The following ROBO2 variants were observed in gnomAD, a reference collection of about 807,000 sequenced individuals.
ROBO2 encodes roundabout homolog 2.
In ROBO2, 53 loss-of-function variants were observed where a neutral mutation model predicts 160.8. The ratio of observed to expected loss-of-function variants is 0.33; its 90% confidence interval spans 0.26 to 0.41. The LOEUF (loss-of-function observed/expected upper bound fraction) is 0.41, where lower values mean the gene tolerates loss of function less well. ROBO2 is among the 10% of genes least tolerant of loss of function. The pLI is 1.00. For synonymous variants in ROBO2, 664 were observed against 611.7 expected (o/e 1.09, Z -1.26); for missense variants, 1,577 against 1,722.4 (o/e 0.92, Z 1.49).
intron 2 of ROBO2, among the ~76,000 whole-genome samples, chr3:76,946,039 G>C (rs4855994): frequency 0.77 from 117,357 of 152,062 alleles, 45,410 homozygotes; most frequent in East Asian, 0.9. Flanking sequence ...TTTTGTAGTC[G>C]TATAAATATT....
At chr3:76,741,702 T>TC (rs1254300829) in intron 2 of ROBO2, among the ~76,000 whole-genome samples, 1 of 87,742 alleles carries the variant, frequency 1.1e-5, no homozygotes, top group Non-Finnish European at 2.2e-5. Context: ...CTTTTTTCTG[T>TC]TTTTTCTCTA....
chr3:77,353,875 G>C (rs2153460680), intron 2 of ROBO2, among the ~76,000 whole-genome samples: 1 of 152,246 alleles, frequency 6.6e-6, no homozygotes, highest in Admixed American at 6.5e-5. Flanking sequence ...GGAAAATATT[G>C]ATGTAGATCT....
intron 1 of ROBO2, among the ~76,000 whole-genome samples, chr3:75,913,473 A>G (rs1420076319): frequency 6.6e-6 from 1 of 152,164 alleles, no homozygotes; most frequent in African/African-American, 2.4e-5. Context: ...TACGCATGGA[A>G]AAATAATGTA....
At chr3:76,695,991 T>G (rs750619359) in intron 2 of ROBO2, among the ~76,000 whole-genome samples, 12 of 152,174 alleles carry the variant, frequency 7.9e-5, no homozygotes, top group Non-Finnish European at 1.6e-4. Flanking sequence ...CACAGCCCAG[T>G]TTGGGAACTA....
chr3:77,286,777 C>G (rs1435388117), intron 2 of ROBO2, among the ~76,000 whole-genome samples: 3 of 152,152 alleles, frequency 2.0e-5, no homozygotes, highest in Admixed American at 1.3e-4. Flanking sequence ...GTCTATTACT[C>G]TTGAAGTCTA....
intron 1 of ROBO2, among the ~76,000 whole-genome samples, chr3:75,916,568 ATATATT>A (rs1390422246): frequency 1.3e-5 from 2 of 152,288 alleles, no homozygotes; most frequent in African/African-American, 2.4e-5. Flanking sequence ...AAGTGTACAC[ATATATT>A]TATAACTGAC....
intron 2 of ROBO2, among the ~76,000 whole-genome samples, chr3:76,622,272 A>AGG (rs2089248131): frequency 6.1e-5 from 5 of 82,398 alleles, no homozygotes; most frequent in African/African-American, 1.9e-4. Context: ...GAAAGAAAGA[A>AGG]AGAAAGAAAG....
chr3:76,893,311 A>AAC (rs112654771), intron 2 of ROBO2, among the ~76,000 whole-genome samples: 108 of 149,162 alleles, frequency 7.2e-4, no homozygotes, highest in Non-Finnish European at 9.0e-4. Context: ...TTTTCAAGTG[A>AAC]ACACACACAC....
chr3:77,317,297 T>G, intron 2 of ROBO2: 1 of 753,670 alleles, frequency 1.3e-6, no homozygotes, highest in South Asian at 1.5e-5. Flanking sequence ...CAGTGTTAGG[T>G]GACGAGGATG....
intron 2 of ROBO2, among the ~76,000 whole-genome samples, chr3:76,103,948 G>T (rs2069812156): frequency 6.6e-6 from 1 of 152,154 alleles, no homozygotes; most frequent in Admixed American, 6.5e-5. Context: ...GTTTGAGAGG[G>T]ACTTGATGGT....
chr3:76,353,970 A>G (rs1026321312), intron 2 of ROBO2, among the ~76,000 whole-genome samples: 1 of 151,884 alleles, frequency 6.6e-6, no homozygotes, highest in Non-Finnish European at 1.5e-5. Context: ...ACAGTCGGAG[A>G]CGAAGAACAG....
chr3:77,501,031 C>T (rs1338638087), intron 5 of ROBO2, among the ~76,000 whole-genome samples: 1 of 152,192 alleles, frequency 6.6e-6, no homozygotes, highest in Non-Finnish European at 1.5e-5. Flanking sequence ...GCAAAAGGAT[C>T]TGTCTGTGTG....
intron 4 of ROBO2, among the ~76,000 whole-genome samples, chr3:77,486,098 A>C (rs1388846888): frequency 6.6e-6 from 1 of 152,218 alleles, no homozygotes; most frequent in Non-Finnish European, 1.5e-5. Flanking sequence ...GTGTCCCTGC[A>C]AAGGACATGA....
intron 2 of ROBO2, among the ~76,000 whole-genome samples, chr3:77,279,512 A>G (rs1419594169): frequency 6.6e-6 from 1 of 152,124 alleles, no homozygotes; most frequent in African/African-American, 2.4e-5. Context: ...ATTCATGCAT[A>G]TGCATCTTTT....
chr3:76,179,117 G>A (rs919096302), intron 2 of ROBO2, among the ~76,000 whole-genome samples: 1 of 151,890 alleles, frequency 6.6e-6, no homozygotes, highest in Non-Finnish European at 1.5e-5. Context: ...CAGCTCATTC[G>A]GAATTAATGA....
intron 2 of ROBO2, among the ~76,000 whole-genome samples, chr3:77,123,973 C>G (rs979131980): frequency 3.3e-5 from 5 of 149,776 alleles, no homozygotes; most frequent in Admixed American, 6.7e-5. Context: ...GATAATCTAT[C>G]TATATAGATA....
intron 2 of ROBO2, among the ~76,000 whole-genome samples, chr3:77,302,621 A>G (rs2062760182): frequency 6.6e-6 from 1 of 152,144 alleles, no homozygotes; most frequent in Admixed American, 6.6e-5. Flanking sequence ...AAATTTCCAG[A>G]TTTCTTATTT....
At chr3:76,942,227 CT>C (rs2078236284) in intron 2 of ROBO2, among the ~76,000 whole-genome samples, 1 of 152,082 alleles carries the variant, frequency 6.6e-6, no homozygotes, top group African/African-American at 2.4e-5. Flanking sequence ...ATTTGTTTTC[CT>C]TTTCATCTTT....
At chr3:77,180,435 T>TATATATATATATATATG (rs1491200828) in intron 2 of ROBO2, among the ~76,000 whole-genome samples, 9 of 63,914 alleles carry the variant, frequency 1.4e-4, no homozygotes, top group Non-Finnish European at 1.9e-4. Flanking sequence ...TATATATGTA[T>TATATATATATATATATG]TTTTTTTTTT....
Sources: gnomAD v4.1 joint callset for allele counts (sites outside exome capture counted in the v4.1 genomes callset) on GRCh38, gnomAD v4.1.1 for gene constraint, MANE v1.5 for transcripts, NCBI Gene and HGNC (gene_info 2026-07-23, HGNC 2026-07-21) for gene names.